The following MEGF10 variants were observed in gnomAD, a reference collection of about 807,000 sequenced individuals.
MEGF10 encodes multiple EGF like domains 10, also known as multiple epidermal growth factor-like domains protein 10.
A neutral mutation model predicts 147.5 loss-of-function variants in MEGF10; 86 were observed. The ratio of observed to expected loss-of-function variants is 0.58; its 90% confidence interval spans 0.49 to 0.70. The LOEUF (loss-of-function observed/expected upper bound fraction) is 0.70, where lower values mean the gene tolerates loss of function less well. Ranked by LOEUF, MEGF10 falls within the 30% of genes least tolerant of loss-of-function variation. MEGF10 has a pLI of 0.00. For synonymous variants in MEGF10, 478 were observed against 525.5 expected (o/e 0.91, Z 1.24); for missense variants, 1,329 against 1,487.3 (o/e 0.89, Z 1.75).
chr5:127,317,440 T>G (rs908809443), intron 1 of MEGF10, among the ~76,000 whole-genome samples: 1 of 152,240 alleles, frequency 6.6e-6, no homozygotes, highest in African/African-American at 2.4e-5. Flanking sequence ...CTTCTAGGGT[T>G]TTTATGGTTT....
At chr5:127,381,247 C>G (rs1490999251) in intron 5 of MEGF10, among the ~76,000 whole-genome samples, 21 of 152,186 alleles carry the variant, frequency 1.4e-4, no homozygotes, top group Admixed American at 1.4e-3. Flanking sequence ...ATGCAGACTA[C>G]AAATTATTTC....
chr5:127,364,706 A>G (rs1762594070), intron 4 of MEGF10, among the ~76,000 whole-genome samples: 1 of 152,196 alleles, frequency 6.6e-6, no homozygotes, highest in South Asian at 2.1e-4. Flanking sequence ...TGGGGAAGAT[A>G]AAGTATATCT....
chr5:127,314,283 C>T (rs145255670), intron 1 of MEGF10, among the ~76,000 whole-genome samples: 5 of 152,050 alleles, frequency 3.3e-5, no homozygotes, highest in Admixed American at 2.0e-4. Context: ...ACTTAGCAAC[C>T]GTATATTGAT....
chr5:127,237,121 A>C, the MEGF10 span, among the ~76,000 whole-genome samples: 2 of 152,200 alleles, frequency 1.3e-5, no homozygotes, highest in Non-Finnish European at 2.9e-5. Context: ...CTTGTGATCT[A>C]AGTCAGTTTT....
At position 127,440,556 on chromosome 5, in the gene MEGF10, G is replaced by A. The variant is rs557793105; in HGVS notation, c.2234-183G>A. On this transcript the variant is annotated intron_variant, in intron 17 of 24. Coordinates refer to ENST00000503335, the MANE Select transcript of MEGF10 (RefSeq NM_001256545.2). ...CCTGCTTATGAATTACAACCTCCTTGCAAGAGCCCTGTCTTGGGACTTCAA... is the reference window on the plus strand; with the variant it reads ...CCTGCTTATGAATTACAACCTCCTTACAAGAGCCCTGTCTTGGGACTTCAA... 2.8e-4 allele frequency among the ~76,000 whole-genome samples: 43 copies of A among 152,294 alleles called. No homozygotes were observed. In the South Asian group the frequency reaches 8.5e-3, roughly 30 times the overall value.
At chr5:127,317,542 C>T (rs142274504) in intron 1 of MEGF10, among the ~76,000 whole-genome samples, 14 of 152,198 alleles carry the variant, frequency 9.2e-5, no homozygotes, top group South Asian at 2.1e-4. Flanking sequence ...AAATGTGGCA[C>T]GTACACACCA....
intron 4 of MEGF10, among the ~76,000 whole-genome samples, chr5:127,363,497 G>A (rs1215487787): frequency 1.3e-5 from 2 of 152,178 alleles, no homozygotes; most frequent in Non-Finnish European, 2.9e-5. Flanking sequence ...GAGAAGGGGA[G>A]TCGCACTTAC....
intron 5 of MEGF10, among the ~76,000 whole-genome samples, chr5:127,391,147 CACACACATACAT>C (rs149104477): frequency 0.31 from 26,829 of 85,196 alleles, 3,526 homozygotes; most frequent in Non-Finnish European, 0.44. Flanking sequence ...CACACACACA[CACACACATACAT>C]GCTTATTTCT....
chr5:127,453,277 G>T (rs1425139225), intron 22 of MEGF10, among the ~76,000 whole-genome samples: 1 of 152,156 alleles, frequency 6.6e-6, no homozygotes, highest in African/African-American at 2.4e-5. Context: ...GGCTGGTCTT[G>T]AACTCCTGGG....
chr5:127,300,844 G>A (rs923650344), intron 1 of MEGF10, among the ~76,000 whole-genome samples: 1 of 152,090 alleles, frequency 6.6e-6, no homozygotes, highest in Non-Finnish European at 1.5e-5. Context: ...ACTTCTCTAG[G>A]CAGCAACTCC....
chr5:127,449,142 C>T lies in MEGF10; in HGVS notation c.2900C>T (p.Pro967Leu), dbSNP rs1474577162. 1 of 1,614,016 alleles carries T rather than the reference C, an allele frequency of 6.2e-7. No individual in the cohort carries two copies. Among genetic ancestry groups the T allele is most frequent in the East Asian group, 2.2e-5 (1 of 44,874 alleles). The change falls in exon 22 of 25, where the codon CCT becomes CTT. Residue 967 changes from proline to leucine, a missense_variant. Around this residue, in one of 3 missense-constraint regions of MEGF10, gnomAD observed 343 missense variants for 377.9 expected, o/e 0.91. Coordinates refer to ENST00000503335, the MANE Select transcript of MEGF10 (RefSeq NM_001256545.2). Reference protein sequence around the residue: ...QLFVNLKNVNPGKRGPVGDCT... With the variant: ...QLFVNLKNVNLGKRGPVGDCT... ...TTTGTGAATCTTAAAAATGTGAACC[C>T]TGGGAAGAGAGGCCCTGTGGGGGAC...
chr5:127,307,303 T>G (rs2126727290), intron 1 of MEGF10, among the ~76,000 whole-genome samples: 1 of 152,284 alleles, frequency 6.6e-6, no homozygotes, highest in South Asian at 2.1e-4. Flanking sequence ...CCCTGTGAAC[T>G]TGACTAGGGA....
chr5:127,381,248 A>G (rs551134637), intron 5 of MEGF10, among the ~76,000 whole-genome samples: 1 of 152,240 alleles, frequency 6.6e-6, no homozygotes, highest in Non-Finnish European at 1.5e-5. Flanking sequence ...TGCAGACTAC[A>G]AATTATTTCT....
chr5:127,384,152 T>G (rs1336019000), intron 5 of MEGF10, among the ~76,000 whole-genome samples: 2 of 152,190 alleles, frequency 1.3e-5, no homozygotes, highest in African/African-American at 4.8e-5. Context: ...CAATCCTGTC[T>G]CGTAACACCT....
chr5:127,379,417 G>A (rs1453323612), intron 5 of MEGF10, among the ~76,000 whole-genome samples: 1 of 152,102 alleles, frequency 6.6e-6, no homozygotes, highest in Non-Finnish European at 1.5e-5. Context: ...AGCCATGCAT[G>A]ATCTATTCCT....
At chr5:127,428,077 G>T (rs1765264940) in intron 13 of MEGF10, among the ~76,000 whole-genome samples, 1 of 151,064 alleles carries the variant, frequency 6.6e-6, no homozygotes, top group African/African-American at 2.4e-5. Flanking sequence ...TCCAAGATCT[G>T]CCTAGCAATC....
At chr5:127,246,455 G>C in the MEGF10 span, among the ~76,000 whole-genome samples, 2 of 151,966 alleles carry the variant, frequency 1.3e-5, no homozygotes, top group East Asian at 1.9e-4. Context: ...GGCCTGTTGC[G>C]GGGTGGGGAG....
At chr5:127,314,694 T>C (rs1580700992) in intron 1 of MEGF10, among the ~76,000 whole-genome samples, 1 of 152,230 alleles carries the variant, frequency 6.6e-6, no homozygotes, top group African/African-American at 2.4e-5. Context: ...GAATGAATCA[T>C]AGGCTCTTTC....
chr5:127,238,794 A>G, the MEGF10 span, among the ~76,000 whole-genome samples: 2 of 152,232 alleles, frequency 1.3e-5, no homozygotes, highest in African/African-American at 2.4e-5. Flanking sequence ...GTCTGTATAA[A>G]TGATCTGTGT....
Sources: allele counts gnomAD v4.1 joint callset (sites outside exome capture counted in the v4.1 genomes callset), GRCh38; gene constraint gnomAD v4.1.1; regional missense constraint gnomAD v4.1.1; transcripts MANE v1.5; gene names NCBI Gene and HGNC (gene_info 2026-07-23, HGNC 2026-07-21).